FSTL5: variants seen among roughly 807,000 people sequenced by gnomAD.
FSTL5 encodes the protein follistatin like 5.
FSTL5 carries 62 observed loss-of-function variants against 89.1 expected under a neutral mutation model. That is an observed-to-expected ratio of 0.70 (90% CI 0.57 to 0.86). FSTL5 has a LOEUF of 0.86. FSTL5 is among the 40% of genes least tolerant of loss of function. FSTL5 has a pLI of 0.00. For missense variants in FSTL5, 1,057 were observed against 1,001.6 expected, an observed-to-expected ratio of 1.06 and a Z score of -0.75; for synonymous variants, 383 against 346.2, an observed-to-expected ratio of 1.11 and a Z score of -1.18.
At chr4:161,575,895 G>C (rs995426588) in intron 8 of FSTL5, among the ~76,000 whole-genome samples, 4 of 152,146 alleles carry the variant, frequency 2.6e-5, no homozygotes, top group Non-Finnish European at 5.9e-5. Flanking sequence ...GTTTGGAGAT[G>C]ACATGATTGT....
chr4:162,068,213 T>A (rs186254055), intron 2 of FSTL5, among the ~76,000 whole-genome samples: 1 of 152,214 alleles, frequency 6.6e-6, no homozygotes, highest in East Asian at 1.9e-4. Context: ...TTAAATTTTA[T>A]GTGGAACCAA....
At chr4:161,698,196 G>T (rs1335383101) in intron 6 of FSTL5, among the ~76,000 whole-genome samples, 1 of 152,150 alleles carries the variant, frequency 6.6e-6, no homozygotes, top group Non-Finnish European at 1.5e-5. Flanking sequence ...TGTGAAACAA[G>T]TGGGCCCTCA....
chr4:161,884,845 G>C (rs1212020210), intron 4 of FSTL5, among the ~76,000 whole-genome samples: 1 of 152,062 alleles, frequency 6.6e-6, no homozygotes, highest in Non-Finnish European at 1.5e-5. Flanking sequence ...GTCTTGCTTT[G>C]AGATCTCATA....
chr4:162,009,197 C>G (rs1736693184), intron 3 of FSTL5, among the ~76,000 whole-genome samples: 1 of 152,026 alleles, frequency 6.6e-6, no homozygotes, highest in African/African-American at 2.4e-5. Context: ...CCTTGTTAAT[C>G]TGACCCATTG....
chr4:161,577,471 G>GAAAAAAAAAAAAAAA (rs1221239899), intron 8 of FSTL5, among the ~76,000 whole-genome samples: 1 of 6,512 alleles, frequency 1.5e-4, no homozygotes, highest in African/African-American at 4.3e-4. Flanking sequence ...GAAGAAAAAA[G>GAAAAAAAAAAAAAAA]ACAAAAAAAA....
At chr4:161,632,128 C>T (rs949097395) in intron 7 of FSTL5, among the ~76,000 whole-genome samples, 2 of 152,118 alleles carry the variant, frequency 1.3e-5, no homozygotes, top group African/African-American at 4.8e-5. Flanking sequence ...CACCTGTAAT[C>T]CCAGCACTTT....
intron 10 of FSTL5, among the ~76,000 whole-genome samples, chr4:161,510,981 G>A (rs4599360): frequency 6.7e-4 from 102 of 151,854 alleles, no homozygotes; most frequent in Non-Finnish European, 1.4e-3. Context: ...AGTATACTTC[G>A]CTTCTTTTAG....
In FSTL5 at chr4:161,595,427, A is replaced by G. The variant is rs140833951; in HGVS notation, c.895-7852T>C. ...AATCTTTATGAGCCTCTACACCATT[A>G]CAGAGTTGCCTTAAGGCATTGATGT... On this transcript the variant is annotated intron_variant, in intron 7 of 15. Transcript: ENST00000306100. Among the ~76,000 whole-genome samples, 453 of 152,180 alleles carry G rather than the reference A, an allele frequency of 3.0e-3. 2 individuals carry two copies. Among genetic ancestry groups the G allele is most frequent in the African/African-American group, 0.01 (430 of 41,538 alleles).
chr4:161,664,122 CG>C (rs1362558416), intron 6 of FSTL5, among the ~76,000 whole-genome samples: 1 of 152,204 alleles, frequency 6.6e-6, no homozygotes, highest in African/African-American at 2.4e-5. Flanking sequence ...TGTGATGGGA[CG>C]GGCTGCGGTG....
At chr4:161,716,607 T>TA (rs139455397) in intron 6 of FSTL5, among the ~76,000 whole-genome samples, 5,606 of 151,832 alleles carry the variant, frequency 0.037, 127 homozygotes, top group Middle Eastern at 0.099. Context: ...AAAAAATAAA[T>TA]AAATAAAATA....
At chr4:161,524,939 C>T (rs7684584) in intron 10 of FSTL5, among the ~76,000 whole-genome samples, 42,496 of 148,764 alleles carry the variant, frequency 0.29, 7,000 homozygotes, top group Non-Finnish European at 0.37. Context: ...GCCTGGGCAA[C>T]AGAGCAAGAC....
chr4:162,054,849 G>A (rs1036277533), intron 2 of FSTL5, among the ~76,000 whole-genome samples: 8 of 151,774 alleles, frequency 5.3e-5, no homozygotes, highest in Admixed American at 2.0e-4. Context: ...GAGAGGAGGA[G>A]CCTAACTTCA....
At chr4:162,075,617 G>T (rs1729804161) in intron 2 of FSTL5, among the ~76,000 whole-genome samples, 1 of 151,934 alleles carries the variant, frequency 6.6e-6, no homozygotes, top group Non-Finnish European at 1.5e-5. Context: ...AAATTAGTCT[G>T]CACAGTTTCA....
At chr4:161,922,849 T>C (rs983806400) in intron 3 of FSTL5, among the ~76,000 whole-genome samples, 1 of 151,904 alleles carries the variant, frequency 6.6e-6, no homozygotes, top group Non-Finnish European at 1.5e-5. Flanking sequence ...AAGGTTGATA[T>C]GGTACTGGGC....
At chr4:161,706,598 T>C (rs2126735374) in intron 6 of FSTL5, among the ~76,000 whole-genome samples, 1 of 152,202 alleles carries the variant, frequency 6.6e-6, no homozygotes, top group African/African-American at 2.4e-5. Context: ...TATTTGTTAA[T>C]ACTGAGGTGT....
In FSTL5 at chr4:161,561,990, T is replaced by C. The variant is rs1479062769; in HGVS notation, c.1016-19297A>G. ...GCTTTGCCAATTCCTGGGCATGGCA[T>C]GCATCTGGTTCTGTCCAATGAGAGC... On this transcript the variant is annotated intron_variant, in intron 8 of 15. Coordinates refer to ENST00000306100, the MANE Select transcript of FSTL5 (RefSeq NM_020116.5). Among the ~76,000 whole-genome samples the C allele has an allele frequency of 5.9e-5, 9 of 152,020 alleles. No homozygotes were observed. The South Asian group carries it at 1.2e-3, about 21-fold the overall frequency.
chr4:161,624,147 G>T (rs1393283812), intron 7 of FSTL5, among the ~76,000 whole-genome samples: 1 of 151,964 alleles, frequency 6.6e-6, no homozygotes, highest in Non-Finnish European at 1.5e-5. Context: ...AATAACAACA[G>T]CCACTTTATT....
At chr4:161,412,507 G>A (rs975877475) in intron 15 of FSTL5, among the ~76,000 whole-genome samples, 3 of 152,000 alleles carry the variant, frequency 2.0e-5, no homozygotes, top group African/African-American at 7.2e-5. Flanking sequence ...TCGTGGGGTA[G>A]GGGGATAGGG....
intron 6 of FSTL5, among the ~76,000 whole-genome samples, chr4:161,672,718 AC>A (rs1560782049): frequency 6.8e-6 from 1 of 146,964 alleles, no homozygotes; most frequent in African/African-American, 2.6e-5. Flanking sequence ...AAAAAAAAAA[AC>A]CCAAAAATCT....
Sources: gnomAD v4.1 joint callset for allele counts (sites outside exome capture counted in the v4.1 genomes callset) on GRCh38, gnomAD v4.1.1 for gene constraint, MANE v1.5 for transcripts, NCBI Gene and HGNC (gene_info 2026-07-23, HGNC 2026-07-21) for gene names.